Variants in LRRC7 observed in about 807,000 individuals in gnomAD.
LRRC7 encodes the protein leucine rich repeat containing 7, also known as leucine-rich repeat-containing protein 7.
LRRC7 carries 23 observed loss-of-function variants against 175.7 expected under a neutral mutation model. The ratio of observed to expected loss-of-function variants is 0.13; its 90% CI spans 0.09 to 0.19. The LOEUF (loss-of-function observed/expected upper bound fraction) is 0.19, where lower values mean the gene tolerates loss of function less well. Among genes scored for constraint, LRRC7 ranks in the 10% least tolerant of loss-of-function variants. LRRC7 has a pLI of 1.00. For synonymous variants in LRRC7, 685 were observed against 680.9 expected (o/e 1.01, Z -0.09); for missense variants, 1,354 against 1,904.7 (o/e 0.71, Z 5.38).
chr1:70,112,076 A>G (rs920811493), intron 26 of LRRC7, among the ~76,000 whole-genome samples: 3 of 152,192 alleles, frequency 2.0e-5, no homozygotes, highest in African/African-American at 7.2e-5. Flanking sequence ...GGAATAATCA[A>G]TGAGATAATA....
chr1:69,855,199 T>C (rs1683454921), intron 7 of LRRC7, among the ~76,000 whole-genome samples: 1 of 152,138 alleles, frequency 6.6e-6, no homozygotes, highest in African/African-American at 2.4e-5. Context: ...ATAAATCTAG[T>C]TCTTTTAATG....
chr1:69,919,700 G>A, intron 7 of LRRC7: 1 of 990,426 alleles, frequency 1.0e-6, no homozygotes, highest in Non-Finnish European at 1.6e-6. Flanking sequence ...CTCGGCCAAG[G>A]CCAGGGGAGA....
chr1:69,865,469 CTTTTTTTTTTTTTTT>C (rs532063540), intron 7 of LRRC7, among the ~76,000 whole-genome samples: 2 of 51,262 alleles, frequency 3.9e-5, no homozygotes, highest in South Asian at 9.1e-4. Flanking sequence ...AAGACAGTTC[CTTTTTTTTTTTTTTT>C]TTTTTTTTTT....
chr1:69,568,475 C>G lies in LRRC7; in HGVS notation c.-165C>G. 4.5e-6 allele frequency: 2 copies of G among 445,786 alleles called. No homozygotes were observed. Among genetic ancestry groups the G allele is most frequent in the Non-Finnish European group, 7.6e-6 (2 of 262,398 alleles). 27.6% of individuals were successfully genotyped at this position (445,786 alleles called of 1,614,324 possible). On this transcript the variant is annotated 5_prime_UTR_variant, in exon 1 of 27. Coordinates refer to ENST00000651989, the MANE Select transcript of LRRC7 (RefSeq NM_001370785.2). ...GTCTAACGTGGCACCTTCCTGGATT[C>G]CCCTCTATCTCCTGTTCTTCCTACC...
At position 69,642,811 on chromosome 1, in the gene LRRC7, C is replaced by CATAGATAAATAG. The variant is rs1553131044; in HGVS notation, c.3-35563_3-35562insAATAGATAGATA. Among the ~76,000 whole-genome samples, 702 of 147,292 alleles carry CATAGATAAATAG rather than the reference C, an allele frequency of 4.8e-3. 10 individuals carry two copies. The highest frequency in any genetic ancestry group is 0.03 in the Admixed American group (445 of 14,660). On this transcript the variant is annotated intron_variant, in intron 1 of 26. Coordinates refer to ENST00000651989, the MANE Select transcript of LRRC7 (RefSeq NM_001370785.2). ...GAAACAGAACTAATGACAGATGATA[C>CATAGATAAATAG]ATAGATAGATAGATAGATAGATAGA...
At chr1:69,820,973 C>T (rs1398720372) in intron 4 of LRRC7, among the ~76,000 whole-genome samples, 3 of 152,142 alleles carry the variant, frequency 2.0e-5, no homozygotes, top group Non-Finnish European at 2.9e-5. Context: ...TTTACACTCC[C>T]ACCAACAGTG....
At chr1:69,947,419 T>C (rs567914112) in intron 8 of LRRC7, among the ~76,000 whole-genome samples, 167 of 152,108 alleles carry the variant, frequency 1.1e-3, no homozygotes, top group Non-Finnish European at 2.1e-3. Context: ...TTCTTTTGTG[T>C]ATCATCAATA....
chr1:69,689,842 A>C (rs1661618635), intron 2 of LRRC7, among the ~76,000 whole-genome samples: 2 of 152,170 alleles, frequency 1.3e-5, no homozygotes, highest in East Asian at 1.9e-4. Context: ...TAAAAAGTGA[A>C]GTTGTACTAG....
rs1662256828 is a variant in LRRC7, at chr1:70,069,924, A to AT, written c.4231-6148dup. On this transcript the variant is annotated intron_variant, in intron 23 of 26. Coordinates refer to ENST00000651989, the MANE Select transcript of LRRC7 (RefSeq NM_001370785.2). ...GACTGAGTTTTTGATTTGTTATTGT[A>AT]TTTTTCAGCTCTAAAATCTCCATTT... 2.0e-5 allele frequency among the ~76,000 whole-genome samples: 3 copies of AT among 151,876 alleles called. No individual in the cohort carries two copies. In the South Asian group the frequency reaches 6.3e-4, roughly 32 times the overall value.
intron 7 of LRRC7, chr1:69,919,816 C>G (rs1480906624): frequency 2.6e-6 from 2 of 769,202 alleles, no homozygotes; most frequent in African/African-American, 3.5e-5. Flanking sequence ...ATTCCGGCAT[C>G]CACGTCATTG....
chr1:69,757,683 A>G (rs547170961), intron 2 of LRRC7, among the ~76,000 whole-genome samples: 1 of 152,104 alleles, frequency 6.6e-6, no homozygotes, highest in South Asian at 2.1e-4. Context: ...CTCTTAGTTC[A>G]TAATTTAAAA....
chr1:69,881,751 A>T (rs751631580), intron 7 of LRRC7, among the ~76,000 whole-genome samples: 17 of 151,720 alleles, frequency 1.1e-4, no homozygotes, highest in Non-Finnish European at 2.1e-4. Context: ...GTGGTAGTGC[A>T]TGCTTGTGGT....
chr1:69,640,410 TAGTG>T (rs1261210170), intron 1 of LRRC7, among the ~76,000 whole-genome samples: 6 of 151,736 alleles, frequency 4.0e-5, no homozygotes, highest in African/African-American at 7.2e-5. Context: ...ACTTGTATAA[TAGTG>T]AGCACTATGA....
rs147424063 is a variant in LRRC7, at chr1:70,039,333, A to G, written c.3509A>G (p.Asn1170Ser). ...GAAATGGCCATGTTTAGAAGGGTCAATGAGCCTCATGAGCTGCCCCCAACT... is the reference window on the plus strand; with the variant it reads ...GAAATGGCCATGTTTAGAAGGGTCAGTGAGCCTCATGAGCTGCCCCCAACT... ...ATEMAMFRRV[N>S]EPHELPPTDR... The change falls in exon 21 of 27, where the codon AAT (asparagine) becomes AGT (serine). Residue 1170 changes from asparagine to serine, a missense_variant. Physicochemically the swap from Asn to Ser is conservative, Grantham distance 46. Transcript: ENST00000651989. The G allele has an allele frequency of 2.5e-5, 41 of 1,613,904 alleles. No individual in the cohort carries two copies. Among genetic ancestry groups the G allele is most frequent in the African/African-American group, 6.7e-5 (5 of 74,934 alleles).
At chr1:70,042,185 T>G (rs538796357) in intron 21 of LRRC7, among the ~76,000 whole-genome samples, 26 of 152,346 alleles carry the variant, frequency 1.7e-4, no homozygotes, top group Non-Finnish European at 2.8e-4. Flanking sequence ...TTCAGTTGAG[T>G]TACTGAGCTA....
intron 24 of LRRC7, among the ~76,000 whole-genome samples, chr1:70,078,769 T>A (rs571928449): frequency 1.3e-5 from 2 of 149,618 alleles, no homozygotes; most frequent in African/African-American, 5.0e-5. Flanking sequence ...TTTGTCAGAG[T>A]CAAATAATAC....
At chr1:69,626,261 G>A (rs1190518676) in intron 1 of LRRC7, among the ~76,000 whole-genome samples, 1 of 151,850 alleles carries the variant, frequency 6.6e-6, no homozygotes, top group African/African-American at 2.4e-5. Flanking sequence ...GGTATGTTTT[G>A]AGAACTGGCA....
chr1:69,629,482 C>T (rs1570046210), intron 1 of LRRC7, among the ~76,000 whole-genome samples: 1 of 152,180 alleles, frequency 6.6e-6, no homozygotes, highest in South Asian at 2.1e-4. Context: ...TCTTTGTAAC[C>T]GTACACTTAA....
chr1:70,137,097 A>G lies in LRRC7; in HGVS notation c.*15210A>G, dbSNP rs1430557086. On this transcript the variant is annotated 3_prime_UTR_variant, in exon 27 of 27. Transcript: ENST00000651989. The stretch of plus-strand genomic sequence containing the variant: ...GAAGGAAAGTTCTTGTCCCTTGTAT[A>G]TATGTATCTTGTCAAAAAGGACAAG... Among the ~76,000 whole-genome samples, 1 of 152,134 alleles carries G rather than the reference A, an allele frequency of 6.6e-6. No individual in the cohort carries two copies.
Sources: gnomAD v4.1 joint callset for allele counts (sites outside exome capture counted in the v4.1 genomes callset) on GRCh38, gnomAD v4.1.1 for gene constraint, MANE v1.5 for transcripts, NCBI Gene and HGNC (gene_info 2026-07-23, HGNC 2026-07-21) for gene names.